ATG7: variants seen among roughly 807,000 people sequenced by gnomAD.
ATG7 encodes the protein autophagy related 7.
In ATG7, 70 loss-of-function variants were observed where a neutral mutation model predicts 82.4. That is an observed-to-expected ratio of 0.85 (90% CI 0.70 to 1.04). The LOEUF is 1.04. Ranked by LOEUF, ATG7 falls within the 50% of genes least tolerant of loss-of-function variation. The pLI is 0.00. For synonymous variants in ATG7, 287 were observed against 313.0 expected (o/e 0.92, Z 0.88); for missense variants, 792 against 864.3 (o/e 0.92, Z 1.05).
chr3:11,521,933 T>C (rs992865236), intron 20 of ATG7, among the ~76,000 whole-genome samples: 4 of 152,152 alleles, frequency 2.6e-5, no homozygotes, highest in Admixed American at 6.5e-5. Flanking sequence ...AATAACAAAG[T>C]AGATAAAGCC....
At chr3:11,434,201 TTTG>T (rs1270863415) in intron 20 of ATG7, among the ~76,000 whole-genome samples, 1 of 152,240 alleles carries the variant, frequency 6.6e-6, no homozygotes, top group Non-Finnish European at 1.5e-5. Context: ...ATATTTTTGT[TTTG>T]TTTTGTTTTG....
chr3:11,458,911 C>T (rs1223121712), intron 20 of ATG7, among the ~76,000 whole-genome samples: 2 of 152,128 alleles, frequency 1.3e-5, no homozygotes, highest in Admixed American at 6.5e-5. Flanking sequence ...ATTAGATTCT[C>T]ATAGGGGCGG....
chr3:11,342,835 A>AT (rs5846704), intron 13 of ATG7, among the ~76,000 whole-genome samples: 3,294 of 145,576 alleles, frequency 0.023, 104 homozygotes, highest in African/African-American at 0.074. Context: ...TATCCATAGG[A>AT]TTTTTTTTTT....
At chr3:11,562,667 A>T in the ATG7 span, among the ~76,000 whole-genome samples, 2 of 152,230 alleles carry the variant, frequency 1.3e-5, no homozygotes. Flanking sequence ...CTGCCGCAGG[A>T]AGGAGCCCCA....
chr3:11,404,745 G>A (rs2080171498), intron 19 of ATG7, among the ~76,000 whole-genome samples: 1 of 152,118 alleles, frequency 6.6e-6, no homozygotes, highest in Non-Finnish European at 1.5e-5. Context: ...GAAAGCAAAA[G>A]GGAAGCAAAG....
At chr3:11,288,546 T>C (rs1944451286) in intron 3 of ATG7, 1 of 152,214 alleles carries the variant, frequency 6.6e-6, no homozygotes, top group African/African-American at 2.4e-5. Context: ...ATTTTAGTTA[T>C]TTCTGTATTG....
chr3:11,403,815 T>A (rs577312545), intron 19 of ATG7, among the ~76,000 whole-genome samples: 1 of 152,346 alleles, frequency 6.6e-6, no homozygotes, highest in South Asian at 2.1e-4. Context: ...TATTGGTTAC[T>A]CCTTGACAAA....
At chr3:11,380,098 G>A (rs778197717) in intron 19 of ATG7, 46 bp downstream of exon 19, 4 of 1,579,520 alleles carry the variant, frequency 2.5e-6, no homozygotes, top group Non-Finnish European at 3.5e-6. Flanking sequence ...AAGTGAGCGG[G>A]TCAGCATTTG....
intron 9 of ATG7, among the ~76,000 whole-genome samples, chr3:11,326,492 G>A (rs1950899194): frequency 6.6e-6 from 1 of 152,080 alleles, no homozygotes; most frequent in Admixed American, 6.6e-5. Context: ...TAGAGATGGG[G>A]TTTCACTGTG....
intron 20 of ATG7, among the ~76,000 whole-genome samples, chr3:11,452,800 C>T (rs772840756): frequency 2.6e-5 from 4 of 152,120 alleles, no homozygotes; most frequent in Non-Finnish European, 5.9e-5. Context: ...ATAATTATTG[C>T]AGATATTAGT....
intron 19 of ATG7, among the ~76,000 whole-genome samples, chr3:11,384,872 G>T (rs2078196869): frequency 6.6e-6 from 1 of 152,142 alleles, no homozygotes; most frequent in Non-Finnish European, 1.5e-5. Context: ...GAGGTGGGAA[G>T]ATCCTTGAGC....
intron 20 of ATG7, among the ~76,000 whole-genome samples, chr3:11,508,673 A>G (rs2091880340): frequency 6.6e-6 from 1 of 152,018 alleles, no homozygotes. Flanking sequence ...CTGGTCTCCA[A>G]CTCTTGGGCT....
chr3:11,332,034 TACTC>T (rs1191366742), intron 10 of ATG7, among the ~76,000 whole-genome samples: 1 of 152,236 alleles, frequency 6.6e-6, no homozygotes, highest in Non-Finnish European at 1.5e-5. Flanking sequence ...TCAAGTATAT[TACTC>T]ACTGAAATAC....
intron 19 of ATG7, among the ~76,000 whole-genome samples, chr3:11,391,965 G>GGT (rs1553640447): frequency 7.0e-6 from 1 of 141,876 alleles, no homozygotes; most frequent in African/African-American, 2.6e-5. Flanking sequence ...TATTGGGGGG[G>GGT]GGGTAATTTC....
intron 20 of ATG7, among the ~76,000 whole-genome samples, chr3:11,536,585 C>T (rs1268557437): frequency 1.3e-5 from 2 of 152,206 alleles, no homozygotes; most frequent in Non-Finnish European, 2.9e-5. Context: ...CCACGGAGGT[C>T]GCCACCCATC....
In ATG7 at chr3:11,446,264, G is replaced by T. The variant is rs78927846; in HGVS notation, c.2079+19338G>T. Among the ~76,000 whole-genome samples, 4 of 151,524 alleles carry T rather than the reference G, an allele frequency of 2.6e-5. No individual in the cohort carries two copies. The East Asian group carries it at 7.7e-4, about 29-fold the overall frequency. ...AAAGCCTGATTAAATTGGATTAAAGGTTACTATATCCATTTCAACATTCTG... is the reference window on the plus strand; with the variant it reads ...AAAGCCTGATTAAATTGGATTAAAGTTTACTATATCCATTTCAACATTCTG... On this transcript the variant is annotated intron_variant, in intron 20 of 20. Coordinates refer to ENST00000693202, the MANE Select transcript of ATG7 (RefSeq NM_001349232.2).
intron 11 of ATG7, among the ~76,000 whole-genome samples, chr3:11,336,324 C>T (rs922024541): frequency 7.9e-5 from 12 of 152,102 alleles, no homozygotes; most frequent in African/African-American, 2.2e-4. Flanking sequence ...GTGAGTCACA[C>T]GTCCAGCCGA....
chr3:11,443,549 G>A (rs747163993), intron 20 of ATG7, among the ~76,000 whole-genome samples: 2 of 152,006 alleles, frequency 1.3e-5, no homozygotes, highest in Non-Finnish European at 2.9e-5. Context: ...ACTATGTCTG[G>A]CTAATTTTTT....
At chr3:11,400,613 C>A (rs553011478) in intron 19 of ATG7, among the ~76,000 whole-genome samples, 2 of 152,082 alleles carry the variant, frequency 1.3e-5, no homozygotes, top group African/African-American at 4.8e-5. Flanking sequence ...CCGCACCCCC[C>A]ACCCCAAAAT....
Sources: gnomAD v4.1 joint callset for allele counts (sites outside exome capture counted in the v4.1 genomes callset) on GRCh38, gnomAD v4.1.1 for gene constraint, MANE v1.5 for transcripts, NCBI Gene and HGNC (gene_info 2026-07-23, HGNC 2026-07-21) for gene names.